ARHGAP10: variants seen among roughly 807,000 people sequenced by gnomAD.
ARHGAP10 encodes Rho GTPase activating protein 10, also known as rho GTPase-activating protein 10.
Under a neutral mutation model 108.6 loss-of-function variants are expected in ARHGAP10, and 87 were observed. That is an observed-to-expected ratio of 0.80 (90% confidence interval 0.67 to 0.96). The LOEUF is 0.96. Ranked by LOEUF, ARHGAP10 falls within the 40% of genes least tolerant of loss-of-function variation. The pLI is 0.00. For synonymous variants in ARHGAP10, 347 were observed against 341.1 expected (o/e 1.02, Z -0.19); for missense variants, 939 against 954.5 (o/e 0.98, Z 0.21).
Position 147,965,972 on chromosome 4 carries a change from T to G in ARHGAP10, c.1557-708T>G, listed in dbSNP as rs1222152737. Among the ~76,000 whole-genome samples, 9 of 152,302 alleles carry G rather than the reference T, an allele frequency of 5.9e-5. No homozygotes were observed. In the East Asian group the frequency reaches 1.7e-3, roughly 29 times the overall value. Reference sequence around the variant, plus strand: ...CTATAAAAAATGTTATGCAAAGGCTTTTTGAAGATGGTATCTTTGAATTGA... The same window carrying G: ...CTATAAAAAATGTTATGCAAAGGCTGTTTGAAGATGGTATCTTTGAATTGA... On this transcript the variant is annotated intron_variant, in intron 17 of 22. Coordinates refer to ENST00000336498, the MANE Select transcript of ARHGAP10 (RefSeq NM_024605.4).
At chr4:147,939,704 A>G in intron 13 of ARHGAP10, 121 bp from the exon 14 acceptor site, 2 of 868,150 alleles carry the variant, frequency 2.3e-6, no homozygotes, top group Non-Finnish European at 3.8e-6. Context: ...TTCAAAGGTT[A>G]TTTTTATAGT....
At chr4:147,798,616 C>A (rs571150325) in intron 1 of ARHGAP10, among the ~76,000 whole-genome samples, 1 of 151,576 alleles carries the variant, frequency 6.6e-6, no homozygotes, top group African/African-American at 2.4e-5. Flanking sequence ...CCCGTCTCTA[C>A]TAAAAATACA....
chr4:147,991,262 C>G (rs1408913896), intron 18 of ARHGAP10, among the ~76,000 whole-genome samples: 2 of 151,970 alleles, frequency 1.3e-5, no homozygotes, highest in Non-Finnish European at 2.9e-5. Context: ...TGGAGATTTA[C>G]TGGAAGGACC....
intron 20 of ARHGAP10, among the ~76,000 whole-genome samples, chr4:148,051,357 T>G (rs1174389741): frequency 2.0e-5 from 3 of 152,206 alleles, no homozygotes; most frequent in African/African-American, 7.2e-5. Flanking sequence ...TTCCCCACAA[T>G]AAGGTAGTTT....
Position 148,066,321 on chromosome 4 carries a change from C to G in ARHGAP10, c.2272+1814C>G, listed in dbSNP as rs553810737. Among the ~76,000 whole-genome samples the G allele has an allele frequency of 3.3e-5, 5 of 152,314 alleles. No individual in the cohort carries two copies. The East Asian group carries it at 9.6e-4, about 29-fold the overall frequency. On this transcript the variant is annotated intron_variant, in intron 22 of 22. Coordinates refer to ENST00000336498, the MANE Select transcript of ARHGAP10 (RefSeq NM_024605.4). ...TGCAGAACTGAGTCACATGCTTACC[C>G]TACATCCATCATTTGCAAGGATTTA...
intron 1 of ARHGAP10, among the ~76,000 whole-genome samples, chr4:147,761,070 G>A (rs1729569796): frequency 6.7e-6 from 1 of 150,038 alleles, no homozygotes; most frequent in Non-Finnish European, 1.5e-5. Flanking sequence ...AGGCTGGAGT[G>A]CAGTGGTGTG....
chr4:147,860,386 G>A (rs1230571606), intron 5 of ARHGAP10, among the ~76,000 whole-genome samples: 1 of 152,182 alleles, frequency 6.6e-6, no homozygotes, highest in African/African-American at 2.4e-5. Flanking sequence ...AGCTTGCAGT[G>A]AGCCGAGATG....
At chr4:147,949,960 G>A (rs1412687743) in intron 15 of ARHGAP10, among the ~76,000 whole-genome samples, 2 of 151,948 alleles carry the variant, frequency 1.3e-5, no homozygotes, top group Admixed American at 6.6e-5. Flanking sequence ...TGATATTCTC[G>A]GAAGCTGGTT....
intron 22 of ARHGAP10, among the ~76,000 whole-genome samples, chr4:148,069,429 G>A (rs1053168498): frequency 1.3e-5 from 2 of 152,160 alleles, no homozygotes; most frequent in Non-Finnish European, 2.9e-5. Flanking sequence ...GGTTGTGGAG[G>A]CGTCTCTCTG....
chr4:147,736,135 T>TGTGC (rs1728402797), intron 1 of ARHGAP10, among the ~76,000 whole-genome samples: 1 of 151,404 alleles, frequency 6.6e-6, no homozygotes, highest in Non-Finnish European at 1.5e-5. Flanking sequence ...TGTGTGTGTG[T>TGTGC]GTGTGTGTGT....
chr4:147,994,756 T>C (rs747334406), intron 18 of ARHGAP10, among the ~76,000 whole-genome samples: 94 of 152,230 alleles, frequency 6.2e-4, no homozygotes, highest in Non-Finnish European at 1.2e-3. Flanking sequence ...TACGTAAAAG[T>C]TGAAACATTC....
At chr4:147,870,821 TAA>T (rs767900024) in intron 7 of ARHGAP10, among the ~76,000 whole-genome samples, 1 of 152,166 alleles carries the variant, frequency 6.6e-6, no homozygotes, top group Non-Finnish European at 1.5e-5. Context: ...TTAGGATTTG[TAA>T]AGAGTCCCTA....
Position 148,064,402 on chromosome 4 carries a change from C to A in ARHGAP10, c.2181-14C>A. 3 of 1,611,640 alleles carry A rather than the reference C, an allele frequency of 1.9e-6. No homozygotes were observed. The highest frequency in any genetic ancestry group is 1.3e-5 in the African/African-American group (1 of 74,874). ...CATTTTCATTGGTGTCTTTTGTATT[C>A]TCTTTCTTTTCAGCATCCGCAGTCG... On this transcript the variant is annotated splice_polypyrimidine_tract_variant and intron_variant, in intron 21 of 22. Transcript: ENST00000336498.
intron 3 of ARHGAP10, among the ~76,000 whole-genome samples, chr4:147,845,155 G>A (rs1056756747): frequency 2.0e-5 from 3 of 152,082 alleles, no homozygotes; most frequent in African/African-American, 7.2e-5. Context: ...TTTGCACCAC[G>A]GATTCCTTCT....
intron 1 of ARHGAP10, among the ~76,000 whole-genome samples, chr4:147,778,008 A>C (rs993113548): frequency 6.6e-6 from 1 of 152,174 alleles, no homozygotes; most frequent in East Asian, 1.9e-4. Context: ...ACTAGATGAC[A>C]TGAGGATCCA....
rs111694555 is a variant in ARHGAP10, at chr4:147,752,541, C to CTT, written c.154+20099_154+20100dup. On this transcript the variant is annotated intron_variant, in intron 1 of 22. Transcript: ENST00000336498. Reference sequence around the variant, plus strand: ...GTTTAATCTGTACTCACAGTTTGATCTTTTTTTTTTTTTTGGTGACGGGGT... The same window carrying CTT: ...GTTTAATCTGTACTCACAGTTTGATCTTTTTTTTTTTTTTTTGGTGACGGGGT... Among the ~76,000 whole-genome samples, 1,152 of 143,636 alleles carry CTT rather than the reference C, an allele frequency of 8.0e-3. 18 individuals carry two copies. Among genetic ancestry groups the CTT allele is most frequent in the African/African-American group, 0.028 (1,102 of 39,402 alleles). The allele number at this position is 143,636 out of a possible 152,430, so 94.2% of individuals were successfully genotyped here. A position where few individuals can be genotyped will look rare whatever the true frequency, so the allele number is the denominator to read the frequency against.
chr4:147,774,220 A>G (rs543587412), intron 1 of ARHGAP10, among the ~76,000 whole-genome samples: 2 of 152,222 alleles, frequency 1.3e-5, no homozygotes, highest in African/African-American at 2.4e-5. Flanking sequence ...ATATTTGACC[A>G]TGTTCAGACC....
rs557988981 is a variant in ARHGAP10, at chr4:148,022,835, T to C, written c.1717-428T>C. On this transcript the variant is annotated intron_variant, in intron 18 of 22. Coordinates refer to ENST00000336498, the MANE Select transcript of ARHGAP10 (RefSeq NM_024605.4). The stretch of plus-strand genomic sequence containing the variant: ...TGTGTAAAAAGTATTTGCAGTCATA[T>C]GTTTCTGTTTACGTAGTTTGGAAAA... 9.8e-5 allele frequency among the ~76,000 whole-genome samples: 15 copies of C among 152,370 alleles called. No individual in the cohort carries two copies. The South Asian group carries it at 2.9e-3, about 29-fold the overall frequency.
intron 13 of ARHGAP10, among the ~76,000 whole-genome samples, chr4:147,928,255 G>C (rs1031618623): frequency 2.0e-5 from 3 of 152,208 alleles, no homozygotes; most frequent in African/African-American, 7.2e-5. Context: ...CCAGAAGTGA[G>C]TATTTGCTTT....
Sources: gnomAD v4.1 joint callset for allele counts (sites outside exome capture counted in the v4.1 genomes callset) on GRCh38, gnomAD v4.1.1 for gene constraint, MANE v1.5 for transcripts, NCBI Gene and HGNC (gene_info 2026-07-23, HGNC 2026-07-21) for gene names.